DRC8: variants seen among roughly 807,000 people sequenced by gnomAD.
DRC8 encodes the protein dynein regulatory complex protein 8.
At chr1:244,969,864 C>T in the DRC8 span, 1 of 428,372 alleles carries the variant, frequency 2.3e-6, no homozygotes, top group Non-Finnish European at 4.1e-6. Context: ...GGGCCGCTTC[C>T]CGGCGGGAGG....
the DRC8 span, among the ~76,000 whole-genome samples, chr1:245,028,520 T>A: frequency 6.6e-6 from 1 of 152,138 alleles, no homozygotes; most frequent in Non-Finnish European, 1.5e-5. Context: ...AAGAGATATG[T>A]CAATCATTAT....
the DRC8 span, among the ~76,000 whole-genome samples, chr1:245,096,907 C>CA: frequency 6.6e-6 from 1 of 152,162 alleles, no homozygotes; most frequent in Non-Finnish European, 1.5e-5. Context: ...CTGTAAGTGA[C>CA]AGAAATCATA....
At chr1:245,084,059 T>C in the DRC8 span, among the ~76,000 whole-genome samples, 8,083 of 30,200 alleles carry the variant, frequency 0.27, 675 homozygotes, top group Non-Finnish European at 0.39. Flanking sequence ...ATATAAAAAT[T>C]CCGCCCCCCC....
At chr1:244,970,596 A>G in the DRC8 span, 1 of 894,072 alleles carries the variant, frequency 1.1e-6, no homozygotes, top group Non-Finnish European at 1.5e-6. Context: ...CGGCAGCAGC[A>G]GTCGCCCTGC....
At chr1:245,077,046 T>C in the DRC8 span, among the ~76,000 whole-genome samples, 51 of 152,248 alleles carry the variant, frequency 3.3e-4, no homozygotes, top group Middle Eastern at 3.4e-3. Flanking sequence ...CTCTGCTTGA[T>C]GATAGTGATT....
At chr1:245,117,897 G>C in the DRC8 span, among the ~76,000 whole-genome samples, 1 of 151,996 alleles carries the variant, frequency 6.6e-6, no homozygotes, top group Non-Finnish European at 1.5e-5. Flanking sequence ...TGAACCCAGA[G>C]GTGGAGGTTG....
the DRC8 span, among the ~76,000 whole-genome samples, chr1:245,045,875 T>C: frequency 6.6e-6 from 1 of 152,314 alleles, no homozygotes; most frequent in East Asian, 1.9e-4. Context: ...AGACAGCCAA[T>C]TTCCCATCTG....
At chr1:245,118,073 C>G in the DRC8 span, among the ~76,000 whole-genome samples, 2 of 152,148 alleles carry the variant, frequency 1.3e-5, no homozygotes, top group Non-Finnish European at 2.9e-5. Flanking sequence ...TTCCATTACT[C>G]AAGTTTGAAT....
At chr1:245,016,334 C>G in the DRC8 span, among the ~76,000 whole-genome samples, 1 of 152,150 alleles carries the variant, frequency 6.6e-6, no homozygotes, top group African/African-American at 2.4e-5. Context: ...TTATTTCTTA[C>G]TCTTCTGCAC....
chr1:245,122,726 G>A, the DRC8 span: 1 of 152,440 alleles, frequency 6.6e-6, no homozygotes, highest in Non-Finnish European at 1.5e-5. Flanking sequence ...GCCTCCCAAA[G>A]TGTTAGGATT....
chr1:245,097,069 C>T, the DRC8 span, among the ~76,000 whole-genome samples: 3 of 152,060 alleles, frequency 2.0e-5, no homozygotes, highest in East Asian at 1.9e-4. The surrounding 1 kb of genome is among the most constrained non-coding windows in gnomAD (Gnocchi z 5.0). Context: ...AATTATATAA[C>T]GAGGTTGGGT....
the DRC8 span, among the ~76,000 whole-genome samples, chr1:245,022,667 T>C: frequency 6.6e-6 from 1 of 152,196 alleles, no homozygotes; most frequent in Non-Finnish European, 1.5e-5. Context: ...CTCTAATTCT[T>C]CCAGAGATTC....
chr1:245,005,356 AT>A, the DRC8 span, among the ~76,000 whole-genome samples: 372 of 143,206 alleles, frequency 2.6e-3, no homozygotes, highest in Non-Finnish European at 3.0e-3. Context: ...ATTGGTATTA[AT>A]TTTTTTTTTT....
chr1:245,084,159 G>A, the DRC8 span, among the ~76,000 whole-genome samples: 1 of 138,276 alleles, frequency 7.2e-6, no homozygotes, highest in African/African-American at 2.7e-5. Context: ...TTAGCTCACT[G>A]CAACCTCCGC....
At chr1:245,020,947 A>C in the DRC8 span, among the ~76,000 whole-genome samples, 1 of 152,014 alleles carries the variant, frequency 6.6e-6, no homozygotes, top group South Asian at 2.1e-4. Context: ...GGAGTTTTTC[A>C]AAGGCTACAT....
chr1:245,084,806 G>A, the DRC8 span, among the ~76,000 whole-genome samples: 2 of 152,214 alleles, frequency 1.3e-5, no homozygotes, highest in African/African-American at 4.8e-5. Context: ...CGCACAACTG[G>A]TTTGACCATT....
chr1:245,035,270 G>C, the DRC8 span, among the ~76,000 whole-genome samples: 1 of 151,092 alleles, frequency 6.6e-6, no homozygotes, highest in African/African-American at 2.4e-5. Flanking sequence ...AAACAATCTT[G>C]AAAAAGGATA....
the DRC8 span, among the ~76,000 whole-genome samples, chr1:245,088,616 A>G: frequency 2.0e-5 from 3 of 152,200 alleles, no homozygotes; most frequent in Non-Finnish European, 4.4e-5. The surrounding 1 kb of genome is among the most constrained non-coding windows in gnomAD (Gnocchi z 4.6). Context: ...CATTTCAGAT[A>G]GGGGCATGTT....
At chr1:245,072,685 A>C in the DRC8 span, among the ~76,000 whole-genome samples, 1 of 152,212 alleles carries the variant, frequency 6.6e-6, no homozygotes, top group Non-Finnish European at 1.5e-5. Flanking sequence ...TCATGTTAAA[A>C]TGTAATCCTC....
Sources: gnomAD v4.1 joint callset for allele counts (sites outside exome capture counted in the v4.1 genomes callset) on GRCh38, gnomAD v4.1.1 for gene constraint, Gnocchi (gnomAD v3.1) non-coding constraint, MANE v1.5 for transcripts, NCBI Gene and HGNC (gene_info 2026-07-23, HGNC 2026-07-21) for gene names.